The following PTPN2 variants were observed in gnomAD, a reference collection of about 807,000 sequenced individuals.
The protein encoded by PTPN2 is protein tyrosine phosphatase non-receptor type 2, also known as tyrosine-protein phosphatase non-receptor type 2.
Under a neutral mutation model 57.3 loss-of-function variants are expected in PTPN2, and 19 were observed. The ratio of observed to expected loss-of-function variants is 0.33; its 90% CI spans 0.23 to 0.49. PTPN2 has a LOEUF of 0.49. Ranked by LOEUF, PTPN2 falls within the 20% of genes least tolerant of loss-of-function variation. The probability of loss-of-function intolerance (pLI) is 0.99; values close to 1 mark genes in which losing one functional copy is unlikely to be tolerated. For synonymous variants in PTPN2, 153 were observed against 164.9 expected (o/e 0.93, Z 0.55); for missense variants, 358 against 501.1 (o/e 0.71, Z 2.73).
chr18:12,795,920 G>A lies in PTPN2; in HGVS notation c.1041-1435C>T, dbSNP rs550436077. On this transcript the variant is annotated intron_variant, in intron 8 of 8. Transcript: ENST00000309660. ...TTTTCTAGAGCATACCCCTGGACAC[G>A]TAGCTTGATTTAAAATCTTTTTTTT... Among the ~76,000 whole-genome samples, 7 of 150,268 alleles carry A rather than the reference G, an allele frequency of 4.7e-5. No homozygotes were observed. The East Asian group carries it at 1.4e-3, about 29-fold the overall frequency.
At chr18:12,852,947 A>G (rs1448550259) in intron 2 of PTPN2, among the ~76,000 whole-genome samples, 3 of 152,286 alleles carry the variant, frequency 2.0e-5, no homozygotes, top group Non-Finnish European at 2.9e-5. Flanking sequence ...CTTAAAAGCC[A>G]TCCCTGCCTC....
intron 1 of PTPN2, among the ~76,000 whole-genome samples, chr18:12,875,068 G>A (rs899482013): frequency 3.3e-5 from 5 of 152,064 alleles, no homozygotes; most frequent in Non-Finnish European, 7.3e-5. Flanking sequence ...TGGATTAAGG[G>A]CAGTGCAAGA....
intron 2 of PTPN2, among the ~76,000 whole-genome samples, chr18:12,856,047 G>A (rs1411885202): frequency 1.3e-5 from 2 of 152,216 alleles, no homozygotes; most frequent in Non-Finnish European, 2.9e-5. Flanking sequence ...AGGCAGCAGA[G>A]TTTCAGATTT....
chr18:12,830,856 G>T lies in PTPN2; in HGVS notation c.360+87C>A, dbSNP rs552871460. On this transcript the variant is annotated intron_variant, in intron 4 of 8. Coordinates refer to ENST00000309660, the MANE Select transcript of PTPN2 (RefSeq NM_002828.4). ...TTAGCAATTAAAGGCCAAAACTAAG[G>T]AATGAATATTGGCCCCAAAATGAAA... The T allele has an allele frequency of 8.9e-5, 91 of 1,026,228 alleles. No homozygotes were observed. In the South Asian group the frequency reaches 1.4e-3, roughly 16 times the overall value. 63.6% of individuals were successfully genotyped at this position (1,026,228 alleles called of 1,614,324 possible).
In PTPN2 at chr18:12,793,438, T is replaced by C. The variant is rs867429668; in HGVS notation, c.*840A>G. The C allele has an allele frequency of 4.6e-5, 45 of 978,048 alleles. No homozygotes were observed. The African/African-American group carries it at 6.6e-4, about 14-fold the overall frequency. 60.6% of individuals were successfully genotyped at this position (978,048 alleles called of 1,614,324 possible). On this transcript the variant is annotated 3_prime_UTR_variant, in exon 9 of 9. Coordinates refer to ENST00000309660, the MANE Select transcript of PTPN2 (RefSeq NM_002828.4). Reference sequence around the variant, plus strand: ...AAAATAAACATATCAATAATGGGATTTACAGAAACCAATTTCTTTACAAAG... The same window carrying C: ...AAAATAAACATATCAATAATGGGATCTACAGAAACCAATTTCTTTACAAAG...
intron 7 of PTPN2, among the ~76,000 whole-genome samples, chr18:12,812,594 C>T (rs1301006021): frequency 6.6e-6 from 1 of 151,614 alleles, no homozygotes; most frequent in Non-Finnish European, 1.5e-5. Context: ...AGCAAAACTG[C>T]GTCTCAAAAA....
At chr18:12,791,076 T>C (rs756591023), downstream of PTPN2, among the ~76,000 whole-genome samples, 3 of 152,252 alleles carry the variant, frequency 2.0e-5, no homozygotes, top group Non-Finnish European at 4.4e-5. Context: ...TTTATATGGA[T>C]ACATTAAACA....
intron 8 of PTPN2, among the ~76,000 whole-genome samples, chr18:12,797,809 T>C (rs545229886): frequency 3.5e-4 from 54 of 152,324 alleles, no homozygotes; most frequent in Middle Eastern, 3.4e-3. Context: ...CATAGCTCCC[T>C]GTAGCCTCAA....
At chr18:12,868,297 A>C (rs1317981762) in intron 1 of PTPN2, among the ~76,000 whole-genome samples, 7 of 151,592 alleles carry the variant, frequency 4.6e-5, no homozygotes, top group Non-Finnish European at 8.8e-5. Flanking sequence ...CTGACTGGAG[A>C]GACTGGAGTG....
chr18:12,828,306 CA>C (rs1240322607), intron 4 of PTPN2, among the ~76,000 whole-genome samples: 1 of 152,086 alleles, frequency 6.6e-6, no homozygotes, highest in Non-Finnish European at 1.5e-5. Context: ...GAGACATCAG[CA>C]AAGACTGTTG....
chr18:12,846,538 T>C (rs1232309578), intron 2 of PTPN2, among the ~76,000 whole-genome samples: 1 of 152,226 alleles, frequency 6.6e-6, no homozygotes, highest in Admixed American at 6.5e-5. Flanking sequence ...GGCTTCTACA[T>C]CCTTCTGATA....
chr18:12,877,891 G>A (rs574165218), intron 1 of PTPN2, among the ~76,000 whole-genome samples: 7 of 152,010 alleles, frequency 4.6e-5, no homozygotes, highest in African/African-American at 1.5e-4. Flanking sequence ...GGCGCCTGTA[G>A]TGTTGGCGGG....
In PTPN2 at chr18:12,870,385, GTA is replaced by G. The variant is rs1227062555; in HGVS notation, c.70-11133_70-11132del. ...TATGTGTATATATACATATATATAC[GTA>G]TATATGTATATATACACGTATATAT... On this transcript the variant is annotated intron_variant, in intron 1 of 8. Transcript: ENST00000309660. Among the ~76,000 whole-genome samples the G allele has an allele frequency of 1.2e-3, 40 of 34,158 alleles. 2 individuals are homozygous for G. The highest frequency in any genetic ancestry group is 4.7e-3 in the Admixed American group (15 of 3,212). 22.4% of individuals were successfully genotyped at this position (34,158 alleles called of 152,430 possible).
At chr18:12,801,072 A>G (rs2041402112) in intron 8 of PTPN2, among the ~76,000 whole-genome samples, 1 of 152,220 alleles carries the variant, frequency 6.6e-6, no homozygotes, top group Non-Finnish European at 1.5e-5. Flanking sequence ...ACCATACCAT[A>G]TATTTTAGCA....
At chr18:12,816,012 A>T (rs1378745609) in intron 6 of PTPN2, among the ~76,000 whole-genome samples, 2 of 152,176 alleles carry the variant, frequency 1.3e-5, no homozygotes, top group Non-Finnish European at 2.9e-5. Flanking sequence ...GGTTAAGAAC[A>T]CCAGTCTTGT....
chr18:12,852,712 C>T (rs148840254), intron 2 of PTPN2, among the ~76,000 whole-genome samples: 1,623 of 152,188 alleles, frequency 0.011, 15 homozygotes, highest in Non-Finnish European at 0.016. Flanking sequence ...TATCCTTTTT[C>T]CTTTATGTTT....
At chr18:12,835,668 G>A (rs1034057705) in intron 3 of PTPN2, among the ~76,000 whole-genome samples, 1 of 152,060 alleles carries the variant, frequency 6.6e-6, no homozygotes. Flanking sequence ...GAGCCTCCGC[G>A]CCTGGCCGAT....
At chr18:12,828,555 A>T (rs944740995) in intron 4 of PTPN2, among the ~76,000 whole-genome samples, 2 of 152,236 alleles carry the variant, frequency 1.3e-5, no homozygotes, top group African/African-American at 4.8e-5. Context: ...TACATCTCTC[A>T]TATCTTTGAG....
intron 7 of PTPN2, among the ~76,000 whole-genome samples, chr18:12,812,621 T>G (rs2041931042): frequency 1.3e-5 from 2 of 151,992 alleles, no homozygotes; most frequent in Admixed American, 6.6e-5. Flanking sequence ...AAAAAACCAG[T>G]AGCATGTGTG....
Sources: gnomAD v4.1 joint callset for allele counts (sites outside exome capture counted in the v4.1 genomes callset) on GRCh38, gnomAD v4.1.1 for gene constraint, MANE v1.5 for transcripts, NCBI Gene and HGNC (gene_info 2026-07-23, HGNC 2026-07-21) for gene names.